The following BTG3 variants were observed in gnomAD, a reference collection of about 807,000 sequenced individuals.
BTG3 encodes protein BTG3.
Under a neutral mutation model 25.8 loss-of-function variants are expected in BTG3, and 4 were observed. The observed-to-expected ratio is 0.16, with a 90% confidence interval of 0.08 to 0.36. BTG3 has a LOEUF of 0.36. Ranked by LOEUF, BTG3 falls within the 10% of genes least tolerant of loss-of-function variation. The pLI is 1.00. For synonymous variants in BTG3, 107 were observed against 99.9 expected, an observed-to-expected ratio of 1.07 and a Z score of -0.42; for missense variants, 201 against 304.9, an observed-to-expected ratio of 0.66 and a Z score of 2.54.
chr21:17,611,378 TTC>T lies in BTG3; in HGVS notation c.-9+1319_-9+1320del, dbSNP rs538559414. On this transcript the variant is annotated intron_variant, in intron 1 of 4. Transcript: ENST00000348354. ...CCACATATCTGAGTTCTGGATTTGT[TTC>T]TGTTTGCTCTGCTTCATATAAAAAA... is the stretch of plus-strand genomic sequence containing the variant. Among the ~76,000 whole-genome samples the T allele has an allele frequency of 2.5e-3, 377 of 152,316 alleles. 1 individual carries two copies. Among genetic ancestry groups the T allele is most frequent in the Non-Finnish European group, 4.5e-3 (305 of 68,024 alleles).
intron 3 of BTG3, chr21:17,604,049 C>A: frequency 1.9e-6 from 2 of 1,076,156 alleles, no homozygotes; most frequent in Non-Finnish European, 2.4e-6. Context: ...AGATTTCATA[C>A]CTAGCACTGA....
At chr21:17,597,190 A>T (rs2061515016) in intron 4 of BTG3, among the ~76,000 whole-genome samples, 1 of 152,114 alleles carries the variant, frequency 6.6e-6, no homozygotes, top group Admixed American at 6.5e-5. Flanking sequence ...GGGAAAATAA[A>T]TGCAATTTAA....
At chr21:17,598,488 A>G (rs2061531770) in intron 4 of BTG3, 129 bp downstream of exon 4, 1 of 739,682 alleles carries the variant, frequency 1.4e-6, no homozygotes, top group African/African-American at 1.8e-5. Flanking sequence ...TTCCCTTAGC[A>G]TGGGGAAAGG....
rs538449631 is a variant in BTG3, at chr21:17,604,534, T to C, written c.311+326A>G. Among the ~76,000 whole-genome samples, 139 of 152,294 alleles carry C rather than the reference T, an allele frequency of 9.1e-4. 1 individual carries two copies. The highest frequency in any genetic ancestry group is 1.6e-3 in the Non-Finnish European group (111 of 68,016). ...TATTATTTGGGATTAGCTTCTTAAT[T>C]TGAAGACAGACAAGTGCACCACCAA... On this transcript the variant is annotated intron_variant, in intron 3 of 4. Coordinates refer to ENST00000348354, the MANE Select transcript of BTG3 (RefSeq NM_006806.5).
intron 2 of BTG3, among the ~76,000 whole-genome samples, chr21:17,606,104 A>G (rs2061637374): frequency 6.6e-6 from 1 of 152,046 alleles, no homozygotes; most frequent in Non-Finnish European, 1.5e-5. Context: ...AATATTAACA[A>G]TAATAAGCAT....
At chr21:17,607,984 T>C (rs573744895) in intron 2 of BTG3, among the ~76,000 whole-genome samples, 1 of 152,346 alleles carries the variant, frequency 6.6e-6, no homozygotes, top group South Asian at 2.1e-4. Context: ...AAGTGAGAAT[T>C]ACCTTCGTTC....
At chr21:17,595,454 AT>A (rs568570292) in intron 4 of BTG3, among the ~76,000 whole-genome samples, 22 of 151,894 alleles carry the variant, frequency 1.4e-4, no homozygotes, top group Non-Finnish European at 3.2e-4. Context: ...GACACCAAAC[AT>A]TTTTTTAAAT....
intron 2 of BTG3, among the ~76,000 whole-genome samples, chr21:17,607,280 G>C (rs2061656336): frequency 6.6e-6 from 1 of 151,958 alleles, no homozygotes; most frequent in South Asian, 2.1e-4. Flanking sequence ...TAGTATGGTG[G>C]CTTGGCACTT....
intron 1 of BTG3, among the ~76,000 whole-genome samples, chr21:17,610,028 T>A (rs1286580498): frequency 6.6e-6 from 1 of 152,238 alleles, no homozygotes; most frequent in African/African-American, 2.4e-5. Context: ...AGCTACAACA[T>A]GGGTGAACCT....
At chr21:17,596,833 G>C (rs2061510304) in intron 4 of BTG3, among the ~76,000 whole-genome samples, 1 of 152,028 alleles carries the variant, frequency 6.6e-6, no homozygotes, top group African/African-American at 2.4e-5. Context: ...CAGGAGAACT[G>C]ACACAATCTT....
chr21:17,603,425 C>T (rs2061598680), intron 3 of BTG3, among the ~76,000 whole-genome samples: 1 of 152,066 alleles, frequency 6.6e-6, no homozygotes, highest in African/African-American at 2.4e-5. Flanking sequence ...AAACTTACAC[C>T]AACCACTGGC....
At chr21:17,600,384 CTAAG>C (rs2061557038) in intron 3 of BTG3, among the ~76,000 whole-genome samples, 1 of 152,140 alleles carries the variant, frequency 6.6e-6, no homozygotes, top group Non-Finnish European at 1.5e-5. Flanking sequence ...ATAAGTAACT[CTAAG>C]TAGAAATAAT....
intron 4 of BTG3, among the ~76,000 whole-genome samples, chr21:17,595,590 C>A (rs542282275): frequency 2.0e-5 from 3 of 151,632 alleles, no homozygotes; most frequent in East Asian, 1.9e-4. Flanking sequence ...ACATAAAGAT[C>A]CTTCTCATTT....
intron 3 of BTG3, among the ~76,000 whole-genome samples, chr21:17,602,919 T>C (rs1569182022): frequency 6.6e-6 from 1 of 152,182 alleles, no homozygotes; most frequent in Non-Finnish European, 1.5e-5. Flanking sequence ...CCCCTGATGG[T>C]TTAGGATCAT....
chr21:17,599,206 C>T (rs572231283), intron 3 of BTG3: 39 of 192,052 alleles, frequency 2.0e-4, no homozygotes, highest in African/African-American at 8.6e-4. Flanking sequence ...AGATGGGTTT[C>T]ACTCTGTTGC....
chr21:17,599,980 T>C (rs1246975559), intron 3 of BTG3, among the ~76,000 whole-genome samples: 1 of 152,240 alleles, frequency 6.6e-6, no homozygotes, highest in Non-Finnish European at 1.5e-5. Context: ...TTTGCTTAAA[T>C]TATATTGCTT....
intron 2 of BTG3, among the ~76,000 whole-genome samples, chr21:17,607,499 G>C (rs967196603): frequency 1.3e-5 from 2 of 152,078 alleles, no homozygotes; most frequent in African/African-American, 4.8e-5. Context: ...AACCTCTTTG[G>C]ATTAAAAATG....
Position 17,598,789 on chromosome 21 carries a change from C to G in BTG3, c.347G>C (p.Ser116Thr), listed in dbSNP as rs202090589. The change falls in exon 4 of 5, where the codon AGC (serine) becomes ACC (threonine). Residue 116 changes from serine to threonine, a missense_variant. Around this residue, in one of 2 missense-constraint regions of BTG3, gnomAD observed 70 missense variants for 175.7 expected, o/e 0.40. Transcript: ENST00000348354. ...CTTGTTCTCATCTTTATTTTCAAAG[C>G]TGGCAACAATGAATGCATTGTTTTT... ...GEKNNAFIVA[S>T]FENKDENKDE... 9 of 1,613,998 alleles carry G rather than the reference C, an allele frequency of 5.6e-6. No individual in the cohort carries two copies. The East Asian group carries it at 2.0e-4, about 36-fold the overall frequency.
At chr21:17,605,690 C>T (rs2061630623) in intron 2 of BTG3, among the ~76,000 whole-genome samples, 1 of 152,026 alleles carries the variant, frequency 6.6e-6, no homozygotes, top group South Asian at 2.1e-4. Context: ...TTTTTTTAAC[C>T]TATTATACGA....
Sources: allele counts gnomAD v4.1 joint callset (sites outside exome capture counted in the v4.1 genomes callset), GRCh38; gene constraint gnomAD v4.1.1; regional missense constraint gnomAD v4.1.1; transcripts MANE v1.5; gene names NCBI Gene and HGNC (gene_info 2026-07-23, HGNC 2026-07-21).